CTTNBP2: variants seen among roughly 807,000 people sequenced by gnomAD.
The protein encoded by CTTNBP2 is cortactin-binding protein 2.
Under a neutral mutation model 156.9 loss-of-function variants are expected in CTTNBP2, and 108 were observed. The ratio of observed to expected loss-of-function variants is 0.69; its 90% CI spans 0.59 to 0.81. The LOEUF (loss-of-function observed/expected upper bound fraction) is 0.81, where lower values mean the gene tolerates loss of function less well. Among genes scored for constraint, CTTNBP2 ranks in the 30% least tolerant of loss-of-function variants. The probability of loss-of-function intolerance (pLI) is 0.00; values close to 1 mark genes in which losing one functional copy is unlikely to be tolerated. For synonymous variants in CTTNBP2, 767 were observed against 751.8 expected (o/e 1.02, Z -0.33); for missense variants, 1,924 against 2,035.4 (o/e 0.95, Z 1.05).
chr7:117,785,789 A>G (rs147557440), intron 4 of CTTNBP2, among the ~76,000 whole-genome samples: 31 of 152,332 alleles, frequency 2.0e-4, no homozygotes, highest in Non-Finnish European at 2.6e-4. Flanking sequence ...GCTCATAACA[A>G]TGGTCACATG....
At chr7:117,754,636 A>G (rs1796792957) in intron 12 of CTTNBP2, among the ~76,000 whole-genome samples, 1 of 152,246 alleles carries the variant, frequency 6.6e-6, no homozygotes, top group Admixed American at 6.5e-5. Context: ...TTGTTGTCTC[A>G]GTCACTTTAA....
Position 117,711,736 on chromosome 7 carries a change from C to T in CTTNBP2, c.4793G>A (p.Ser1598Asn), listed in dbSNP as rs920495658. The T allele has an allele frequency of 6.2e-7, 1 of 1,613,950 alleles. No individual in the cohort carries two copies. Among genetic ancestry groups the T allele is most frequent in the South Asian group, 1.1e-5 (1 of 91,076 alleles). ...AACACCCAACTCAGTCTTTGATTTA[C>T]TGTTGCTGCATTCAGTAGTTTGATG... ...SSHQTTECSN[S>N]KSKTELGVSR... Residue 1598 changes from serine to asparagine, a missense_variant, in exon 23 of 23, where the codon AGT (serine) becomes AAT (asparagine). Physicochemically the swap from Ser to Asn is conservative, Grantham distance 46. Coordinates refer to ENST00000160373, the MANE Select transcript of CTTNBP2 (RefSeq NM_033427.3).
At chr7:117,813,624 A>G (rs1800411138) in intron 2 of CTTNBP2, among the ~76,000 whole-genome samples, 3 of 152,182 alleles carry the variant, frequency 2.0e-5, no homozygotes, top group African/African-American at 7.2e-5. Context: ...GGGAGTCTCT[A>G]CAATAAGATC....
intron 14 of CTTNBP2, among the ~76,000 whole-genome samples, chr7:117,736,418 C>T (rs10257581): frequency 0.074 from 11,149 of 150,904 alleles, 780 homozygotes; most frequent in African/African-American, 0.18. Flanking sequence ...GCTGCCTGGG[C>T]AACAGAGCAA....
chr7:117,802,978 T>C (rs1299262485), intron 3 of CTTNBP2, among the ~76,000 whole-genome samples: 2 of 152,116 alleles, frequency 1.3e-5, no homozygotes, highest in South Asian at 2.1e-4. Context: ...AGTTTGGAGA[T>C]TTCTCAAAGA....
At chr7:117,777,221 T>C (rs1364488753) in intron 8 of CTTNBP2, among the ~76,000 whole-genome samples, 1 of 152,164 alleles carries the variant, frequency 6.6e-6, no homozygotes, top group Non-Finnish European at 1.5e-5. Context: ...ATGGACTAAA[T>C]CAATGCCAAT....
Position 117,711,536 on chromosome 7 carries a change from C to A in CTTNBP2, c.*1G>T. 2 of 1,611,174 alleles carry A rather than the reference C, an allele frequency of 1.2e-6. No homozygotes were observed. Among genetic ancestry groups the A allele is most frequent in the Non-Finnish European group, 8.5e-7 (1 of 1,179,042 alleles). Reference sequence around the variant, plus strand: ...TAATAATGAGAATATTGTAGGCAGGCCTATTTGTTAGGTTTTTCTAGGTGT... The same window carrying A: ...TAATAATGAGAATATTGTAGGCAGGACTATTTGTTAGGTTTTTCTAGGTGT... On this transcript the variant is annotated 3_prime_UTR_variant, in exon 23 of 23. Coordinates refer to ENST00000160373, the MANE Select transcript of CTTNBP2 (RefSeq NM_033427.3).
intron 3 of CTTNBP2, among the ~76,000 whole-genome samples, chr7:117,800,035 G>A (rs2116907407): frequency 6.6e-6 from 1 of 152,112 alleles, no homozygotes; most frequent in South Asian, 2.1e-4. Flanking sequence ...ATAATTATGG[G>A]TTGGAAGACT....
intron 4 of CTTNBP2, among the ~76,000 whole-genome samples, chr7:117,788,477 T>C (rs576923255): frequency 4.7e-4 from 71 of 152,270 alleles, no homozygotes; most frequent in African/African-American, 1.7e-3. Flanking sequence ...GCAATCACAA[T>C]GGAATCAGTG....
chr7:117,821,380 T>C (rs568560344), intron 2 of CTTNBP2, among the ~76,000 whole-genome samples: 2 of 152,176 alleles, frequency 1.3e-5, no homozygotes, highest in Admixed American at 6.5e-5. Flanking sequence ...TGTTTTTTAA[T>C]AGCTGCACCC....
intron 12 of CTTNBP2, among the ~76,000 whole-genome samples, chr7:117,748,198 T>C (rs1796439769): frequency 6.6e-6 from 1 of 152,126 alleles, no homozygotes; most frequent in South Asian, 2.1e-4. Context: ...ATAATAATTA[T>C]TGAAAAGTAA....
chr7:117,868,016 A>G (rs904083289), intron 1 of CTTNBP2, among the ~76,000 whole-genome samples: 3 of 152,192 alleles, frequency 2.0e-5, no homozygotes, highest in Non-Finnish European at 2.9e-5. Flanking sequence ...AATTAAGCTC[A>G]GCTACCTCCC....
intron 16 of CTTNBP2, among the ~76,000 whole-genome samples, chr7:117,733,053 C>T (rs1473708338): frequency 6.6e-6 from 1 of 152,066 alleles, no homozygotes; most frequent in Non-Finnish European, 1.5e-5. Flanking sequence ...TAGTAGAAAG[C>T]CTAGTATTGT....
intron 12 of CTTNBP2, chr7:117,755,294 A>G (rs889899949): frequency 8.2e-6 from 2 of 242,712 alleles, no homozygotes; most frequent in Non-Finnish European, 8.1e-6. Context: ...TAGATGATCA[A>G]TGGAATGGTT....
intron 11 of CTTNBP2, among the ~76,000 whole-genome samples, chr7:117,757,340 C>T (rs1796936591): frequency 6.6e-6 from 1 of 152,054 alleles, no homozygotes; most frequent in Non-Finnish European, 1.5e-5. Context: ...ATATCAATCT[C>T]TCAGAGCCTC....
chr7:117,797,494 A>G (rs1272907210), intron 3 of CTTNBP2, among the ~76,000 whole-genome samples: 2 of 152,202 alleles, frequency 1.3e-5, no homozygotes, highest in Non-Finnish European at 2.9e-5. Flanking sequence ...AACCGGCCCA[A>G]GATGATCCAC....
At chr7:117,831,933 T>C (rs1380131533) in intron 2 of CTTNBP2, among the ~76,000 whole-genome samples, 9 of 152,204 alleles carry the variant, frequency 5.9e-5, no homozygotes, top group Non-Finnish European at 1.3e-4. Flanking sequence ...CCACTTCCTT[T>C]TCTAAGCTTC....
chr7:117,829,413 T>C (rs561750394), intron 2 of CTTNBP2, among the ~76,000 whole-genome samples: 1 of 152,340 alleles, frequency 6.6e-6, no homozygotes, highest in Admixed American at 6.5e-5. Context: ...CATGGAAGTG[T>C]TGGTTTAGGC....
intron 14 of CTTNBP2, among the ~76,000 whole-genome samples, chr7:117,738,682 G>T (rs868239425): frequency 6.6e-6 from 1 of 152,174 alleles, no homozygotes; most frequent in African/African-American, 2.4e-5. Context: ...TGGGGAGGAG[G>T]TGGTGGTGAT....
Sources: gnomAD v4.1 joint callset for allele counts (sites outside exome capture counted in the v4.1 genomes callset) on GRCh38, gnomAD v4.1.1 for gene constraint, MANE v1.5 for transcripts, NCBI Gene and HGNC (gene_info 2026-07-23, HGNC 2026-07-21) for gene names.